Variants in GALNT5 observed in about 807,000 individuals in gnomAD.
GALNT5 encodes UDP-GalNAc:polypeptide N-acetylgalactosaminyltransferase 5.
GALNT5 carries 72 observed loss-of-function variants against 85.4 expected under a neutral mutation model. That is an observed-to-expected ratio of 0.84 (90% CI 0.70 to 1.03). The LOEUF (loss-of-function observed/expected upper bound fraction) is 1.03, where lower values mean the gene tolerates loss of function less well. Among genes scored for constraint, GALNT5 ranks in the 50% least tolerant of loss-of-function variants. The pLI is 0.00. For synonymous variants in GALNT5, 404 were observed against 397.0 expected, an observed-to-expected ratio of 1.02 and a Z score of -0.21; for missense variants, 1,137 against 1,135.5, an observed-to-expected ratio of 1.00 and a Z score of -0.02.
chr2:157,286,077 C>A lies in GALNT5; in HGVS notation c.1684C>A (p.Leu562Ile). ...SQFPKVRILR[L>I]KERHGLIRAR... ...GTTTCCAAAAGTTCGGATTCTTCGC[C>A]TCAAAGAGAGACATGGCTTAATAAG... Residue 562 changes from leucine to isoleucine, a missense_variant, in exon 3 of 10, where the codon CTC becomes ATC. Physicochemically the swap from Leu to Ile is conservative, Grantham distance 5. Coordinates refer to ENST00000259056, the MANE Select transcript of GALNT5 (RefSeq NM_014568.3). The A allele has an allele frequency of 6.2e-7, 1 of 1,611,280 alleles. No homozygotes were observed. Among genetic ancestry groups the A allele is most frequent in the Non-Finnish European group, 8.5e-7 (1 of 1,177,448 alleles).
chr2:157,310,786 G>A (rs1227852204), intron 9 of GALNT5, among the ~76,000 whole-genome samples: 1 of 152,120 alleles, frequency 6.6e-6, no homozygotes, highest in Non-Finnish European at 1.5e-5. Flanking sequence ...ATCACTTCCA[G>A]AATTTTGTAA....
At chr2:157,275,843 C>T (rs2105131946) in intron 1 of GALNT5, among the ~76,000 whole-genome samples, 2 of 151,936 alleles carry the variant, frequency 1.3e-5, no homozygotes, top group Admixed American at 1.3e-4. Context: ...ATTGCCCTGG[C>T]CATTTCAACA....
intron 3 of GALNT5, among the ~76,000 whole-genome samples, chr2:157,292,757 G>A (rs2105152970): frequency 6.6e-6 from 1 of 152,052 alleles, no homozygotes; most frequent in Admixed American, 6.6e-5. Context: ...CCAGGCTGGA[G>A]TGCAGTGCCG....
Position 157,300,854 on chromosome 2 carries a change from A to T in GALNT5, c.2294A>T (p.Asp765Val), listed in dbSNP as rs1400578712. 6.2e-7 allele frequency: 1 copy of T among 1,614,060 alleles called. No individual in the cohort carries two copies. Among genetic ancestry groups the T allele is most frequent in the African/African-American group, 1.3e-5 (1 of 75,038 alleles). The change falls in exon 7 of 10, where the codon GAC becomes GTC. Residue 765 changes from aspartate (D) to valine (V), a missense_variant. Coordinates refer to ENST00000259056, the MANE Select transcript of GALNT5 (RefSeq NM_014568.3). ...AAGGAGCTGTTCTATGGCCACGGAG[A>T]CCACCTCATCGACCAAGGGCTAGAT... ...EYKELFYGHG[D>V]HLIDQGLDVG... is the part of the protein sequence containing the mutation.
At chr2:157,274,032 T>C (rs898749821) in intron 1 of GALNT5, among the ~76,000 whole-genome samples, 2 of 151,972 alleles carry the variant, frequency 1.3e-5, no homozygotes, top group Non-Finnish European at 2.9e-5. Flanking sequence ...TGTCCAAGTG[T>C]TCTCATTGTT....
In GALNT5 at chr2:157,313,399, C is replaced by T. The variant is rs1683619589; in HGVS notation, c.*2051C>T. On this transcript the variant is annotated 3_prime_UTR_variant, in exon 10 of 10. Coordinates refer to ENST00000259056, the MANE Select transcript of GALNT5 (RefSeq NM_014568.3). ...TGATATTCACACAATGATGAAATTG[C>T]CTAATGACACATTTCTCAGAATGTA... 6.6e-6 allele frequency: 1 copy of T among 152,092 alleles called. No individual in the cohort carries two copies. Among genetic ancestry groups the T allele is most frequent in the South Asian group, 2.1e-4 (1 of 4,822 alleles). The allele number at this position is 152,092 out of a possible 1,614,324, so 9.4% of individuals were successfully genotyped here.
At chr2:157,261,813 GT>G (rs932424894) in intron 1 of GALNT5, among the ~76,000 whole-genome samples, 9 of 152,058 alleles carry the variant, frequency 5.9e-5, no homozygotes, top group African/African-American at 1.9e-4. Context: ...GATTTGGAGT[GT>G]TTTTTGTTTT....
At position 157,259,128 on chromosome 2, in the gene GALNT5, A is replaced by T; in HGVS notation, c.1046A>T (p.Lys349Ile). The T allele has an allele frequency of 6.8e-7, 1 of 1,477,238 alleles. No individual in the cohort carries two copies. The highest frequency in any genetic ancestry group is 9.0e-7 in the Non-Finnish European group (1 of 1,112,580). 91.5% of individuals were successfully genotyped at this position (1,477,238 alleles called of 1,614,324 possible). A position where few individuals can be genotyped will look rare whatever the true frequency, so the allele number is the denominator to read the frequency against. ...SNSKTKTIFP[K>I]VLGKSQSKHI... ...TCTAAAACCAAAACAATATTTCCTAAAGTATTGGGTAAAAGCCAAAGTAAA... is the reference window on the plus strand; with the variant it reads ...TCTAAAACCAAAACAATATTTCCTATAGTATTGGGTAAAAGCCAAAGTAAA... The change falls in exon 1 of 10, where the codon AAA becomes ATA. Residue 349 changes from lysine to isoleucine, a missense_variant. Coordinates refer to ENST00000259056, the MANE Select transcript of GALNT5 (RefSeq NM_014568.3).
intron 3 of GALNT5, among the ~76,000 whole-genome samples, chr2:157,288,870 T>C (rs1683031503): frequency 6.6e-6 from 1 of 152,106 alleles, no homozygotes; most frequent in Non-Finnish European, 1.5e-5. Flanking sequence ...GTCAGCTTCA[T>C]CATAGATTGT....
intron 7 of GALNT5, chr2:157,302,636 C>T (rs984133518): frequency 6.6e-6 from 1 of 150,702 alleles, no homozygotes; most frequent in Non-Finnish European, 1.5e-5. Flanking sequence ...ATTCCAGCAA[C>T]GCAGAATCTC....
At chr2:157,273,616 C>T (rs1478442331) in intron 1 of GALNT5, among the ~76,000 whole-genome samples, 3 of 101,140 alleles carry the variant, frequency 3.0e-5, no homozygotes, top group Non-Finnish European at 5.5e-5. Context: ...TATTTGAAAA[C>T]AGCATATTTC....
At chr2:157,281,768 T>A (rs931413790) in intron 1 of GALNT5, among the ~76,000 whole-genome samples, 1 of 152,162 alleles carries the variant, frequency 6.6e-6, no homozygotes, top group Admixed American at 6.5e-5. Flanking sequence ...AAGAAAATGA[T>A]CCGTGTTACA....
intron 1 of GALNT5, among the ~76,000 whole-genome samples, chr2:157,269,989 A>C (rs946611179): frequency 2.6e-5 from 4 of 152,214 alleles, no homozygotes; most frequent in Non-Finnish European, 5.9e-5. Context: ...TACCATTAAA[A>C]AAAATGTAAC....
intron 3 of GALNT5, among the ~76,000 whole-genome samples, chr2:157,292,499 C>T (rs1406701736): frequency 6.6e-6 from 1 of 152,180 alleles, no homozygotes; most frequent in Admixed American, 6.5e-5. Flanking sequence ...TAGGTCCTGG[C>T]AGCAAATGAA....
chr2:157,300,637 A>G (rs1665211682), intron 6 of GALNT5, 39 bp from the exon 7 acceptor site: 1 of 1,483,404 alleles, frequency 6.7e-7, no homozygotes, highest in Admixed American at 1.7e-5. Context: ...TTTGTGGATA[A>G]TCATTTGATA....
intron 9 of GALNT5, among the ~76,000 whole-genome samples, chr2:157,309,147 T>C (rs140540212): frequency 6.6e-6 from 1 of 152,304 alleles, no homozygotes; most frequent in East Asian, 1.9e-4. Context: ...TTCCTCATTC[T>C]GCCCCCTTTC....
chr2:157,285,309 G>C (rs368156329), intron 2 of GALNT5, among the ~76,000 whole-genome samples: 2 of 152,154 alleles, frequency 1.3e-5, no homozygotes, highest in Admixed American at 6.5e-5. Flanking sequence ...TACCCAATTA[G>C]TAAGTAGATA....
At chr2:157,296,331 G>A (rs1434130083) in intron 4 of GALNT5, 63 bp from the exon 5 acceptor site, 6 of 1,341,912 alleles carry the variant, frequency 4.5e-6, no homozygotes, top group Admixed American at 1.8e-5. Context: ...AAGCCAAATC[G>A]ATAAAGTATA....
At chr2:157,304,190 G>T (rs1308346348) in intron 7 of GALNT5, among the ~76,000 whole-genome samples, 1 of 152,120 alleles carries the variant, frequency 6.6e-6, no homozygotes, top group Non-Finnish European at 1.5e-5. Flanking sequence ...CCTCTCTGAA[G>T]TTCAGGGGTG....
Sources: gnomAD v4.1 joint callset for allele counts (sites outside exome capture counted in the v4.1 genomes callset) on GRCh38, gnomAD v4.1.1 for gene constraint, MANE v1.5 for transcripts, NCBI Gene and HGNC (gene_info 2026-07-23, HGNC 2026-07-21) for gene names.